Variants in OPHN1 observed in about 807,000 individuals in gnomAD.
OPHN1 encodes the protein oligophrenin-1.
A neutral mutation model predicts 60.7 loss-of-function variants in OPHN1; 11 were observed. That is an observed-to-expected ratio of 0.18 (90% CI 0.11 to 0.30). The LOEUF is 0.30. Ranked by LOEUF, OPHN1 falls within the 10% of genes least tolerant of loss-of-function variation. The pLI is 1.00. For synonymous variants in OPHN1, 226 were observed against 222.6 expected (o/e 1.02, Z -0.14); for missense variants, 449 against 611.0 (o/e 0.73, Z 2.80).
At chrX:68,112,709 C>T (rs770076193) in intron 17 of OPHN1, among the ~76,000 whole-genome samples, 55 of 112,137 alleles carry the variant, frequency 4.9e-4, no homozygotes, top group Non-Finnish European at 7.7e-4. Flanking sequence ...TATGTACTGA[C>T]GCCCTCTCCC....
At chrX:68,262,051 T>C (rs2077896341) in intron 5 of OPHN1, among the ~76,000 whole-genome samples, 1 of 111,673 alleles carries the variant, frequency 9.0e-6, no homozygotes, top group Non-Finnish European at 1.9e-5. Flanking sequence ...AGAGTTTAAG[T>C]ATATTATTTA....
intron 15 of OPHN1, among the ~76,000 whole-genome samples, chrX:68,189,546 C>T (rs1412843902): frequency 9.3e-6 from 1 of 107,152 alleles, no homozygotes; most frequent in Non-Finnish European, 1.9e-5. Context: ...TGATGTTCCC[C>T]TTCTGAAACA....
chrX:68,273,766 G>A (rs1267110820), intron 5 of OPHN1, among the ~76,000 whole-genome samples: 1 of 111,967 alleles, frequency 8.9e-6, no homozygotes, highest in Non-Finnish European at 1.9e-5. Flanking sequence ...TCTAAATCCA[G>A]GCCACTATCA....
intron 19 of OPHN1, among the ~76,000 whole-genome samples, chrX:68,087,345 TC>T (rs1181942334): frequency 8.9e-6 from 1 of 112,129 alleles, no homozygotes; most frequent in East Asian, 2.8e-4. Flanking sequence ...GGAGCCCAAC[TC>T]CTGGAATCCC....
chrX:68,306,859 A>T (rs909247286), intron 2 of OPHN1, among the ~76,000 whole-genome samples: 16 of 110,654 alleles, frequency 1.4e-4, no homozygotes, highest in African/African-American at 5.3e-4. Context: ...CATAGCTAAG[A>T]CTACAAACAC....
intron 16 of OPHN1, among the ~76,000 whole-genome samples, chrX:68,117,883 A>G (rs1006251349): frequency 1.8e-5 from 2 of 111,937 alleles, no homozygotes; most frequent in African/African-American, 6.5e-5. Flanking sequence ...GAAAAGGGCC[A>G]CCCTGCCTAT....
rs371731817 is a variant in OPHN1 at position 68,323,838 on chromosome X, C to T, written c.155-24742G>A. On this transcript the variant is annotated intron_variant, in intron 2 of 24. Coordinates refer to ENST00000355520, the MANE Select transcript of OPHN1 (RefSeq NM_002547.3). ...TAAGGATAATTGAACATTAGAAAAC[C>T]TATTATTGTAATTTATCATACATAC... 4.3e-4 allele frequency among the ~76,000 whole-genome samples: 48 copies of T among 111,674 alleles called. No homozygotes were observed. In the East Asian group the frequency reaches 7.9e-3, roughly 18 times the overall value.
chrX:68,321,459 T>C (rs1296520755), intron 2 of OPHN1, among the ~76,000 whole-genome samples: 1 of 111,856 alleles, frequency 8.9e-6, no homozygotes, highest in Non-Finnish European at 1.9e-5. Flanking sequence ...ATTCAATCAT[T>C]AATAATTAGT....
chrX:68,074,185 A>G (rs2076945478), intron 19 of OPHN1, among the ~76,000 whole-genome samples: 1 of 111,805 alleles, frequency 8.9e-6, no homozygotes, highest in African/African-American at 3.3e-5. Flanking sequence ...GTAAAGAGAA[A>G]TGTCAGAGCC....
At chrX:68,071,066 C>T (rs1269148467) in intron 20 of OPHN1, 5 of 1,104,292 alleles carry the variant, frequency 4.5e-6, no homozygotes, top group East Asian at 3.0e-5. Context: ...GTTCCACCAC[C>T]AATAATCATC....
At chrX:68,161,411 G>T (rs1456283757) in intron 15 of OPHN1, among the ~76,000 whole-genome samples, 2 of 110,406 alleles carry the variant, frequency 1.8e-5, no homozygotes, top group Non-Finnish European at 3.8e-5. Context: ...ATTCAAAATG[G>T]AGGAAAAATG....
intron 15 of OPHN1, among the ~76,000 whole-genome samples, chrX:68,168,930 T>G (rs1046856981): frequency 4.5e-5 from 5 of 111,098 alleles, no homozygotes; most frequent in Non-Finnish European, 7.5e-5. Flanking sequence ...CCTCGACACA[T>G]ACACCCACCC....
intron 2 of OPHN1, among the ~76,000 whole-genome samples, chrX:68,381,671 CCTT>C (rs2078597367): frequency 9.0e-6 from 1 of 111,520 alleles, no homozygotes; most frequent in African/African-American, 3.3e-5. Flanking sequence ...ATTAATGTCT[CCTT>C]CTACAGAGCT....
intron 15 of OPHN1, among the ~76,000 whole-genome samples, chrX:68,150,992 A>T (rs777003859): frequency 1.1e-4 from 12 of 111,924 alleles, no homozygotes; most frequent in Non-Finnish European, 1.7e-4. Flanking sequence ...GAAGAAAAGA[A>T]AGTACTTGAA....
chrX:68,417,914 C>T (rs5965574), intron 2 of OPHN1, among the ~76,000 whole-genome samples: 4,970 of 112,666 alleles, frequency 0.044, 291 homozygotes, highest in African/African-American at 0.15. Context: ...ATCAGCCAGA[C>T]CTTGCTGGAC....
At chrX:68,081,849 A>C (rs1215416703) in intron 19 of OPHN1, among the ~76,000 whole-genome samples, 1 of 111,258 alleles carries the variant, frequency 9.0e-6, no homozygotes, top group African/African-American at 3.3e-5. Flanking sequence ...TCCTTTCACA[A>C]AAAAAAATTT....
At chrX:68,070,667 G>A in intron 20 of OPHN1, 1 of 892,900 alleles carries the variant, frequency 1.1e-6, no homozygotes, top group Non-Finnish European at 1.7e-6. Flanking sequence ...CACCTATGAT[G>A]GTAATGCAGC....
intron 2 of OPHN1, among the ~76,000 whole-genome samples, chrX:68,319,562 C>T (rs754566374): frequency 6.4e-5 from 7 of 109,955 alleles, no homozygotes; most frequent in Non-Finnish European, 1.3e-4. Flanking sequence ...ACAGTAAGGC[C>T]CCATCTCTAT....
chrX:68,161,421 G>A (rs1689428574), intron 15 of OPHN1, among the ~76,000 whole-genome samples: 1 of 110,511 alleles, frequency 9.0e-6, no homozygotes, highest in South Asian at 3.8e-4. Context: ...GAGGAAAAAT[G>A]AATGGATAAT....
Sources: gnomAD v4.1 joint callset for allele counts (sites outside exome capture counted in the v4.1 genomes callset) on GRCh38, gnomAD v4.1.1 for gene constraint, MANE v1.5 for transcripts, NCBI Gene and HGNC (gene_info 2026-07-23, HGNC 2026-07-21) for gene names.